FRAS1: variants seen among roughly 807,000 people sequenced by gnomAD.
The protein encoded by FRAS1 is Fraser extracellular matrix complex subunit 1.
A neutral mutation model predicts 435.2 loss-of-function variants in FRAS1; 290 were observed. The ratio of observed to expected loss-of-function variants is 0.67; its 90% confidence interval spans 0.61 to 0.73. The LOEUF is 0.73. FRAS1 is among the 30% of genes least tolerant of loss of function. The probability of loss-of-function intolerance (pLI) is 0.00; values close to 1 mark genes in which losing one functional copy is unlikely to be tolerated. For missense variants in FRAS1, 4,860 were observed against 5,001.5 expected (o/e 0.97, Z 0.85); for synonymous variants, 1,800 against 1,851.0 (o/e 0.97, Z 0.71).
At chr4:78,414,779 G>A (rs562457107) in intron 32 of FRAS1, among the ~76,000 whole-genome samples, 1 of 152,336 alleles carries the variant, frequency 6.6e-6, no homozygotes, top group Non-Finnish European at 1.5e-5. Context: ...GTTAAGTGCT[G>A]TGGAAGACAT....
At chr4:78,380,281 G>C (rs17003172) in intron 27 of FRAS1, among the ~76,000 whole-genome samples, 2,168 of 152,236 alleles carry the variant, frequency 0.014, 46 homozygotes, top group African/African-American at 0.049. Flanking sequence ...TGGCCCAGCA[G>C]AAACAAAACT....
intron 2 of FRAS1, among the ~76,000 whole-genome samples, chr4:78,200,703 T>G (rs934010946): frequency 6.6e-6 from 1 of 151,944 alleles, no homozygotes; most frequent in Non-Finnish European, 1.5e-5. Context: ...CAGTGTGGCA[T>G]CAGTTTAATG....
chr4:78,539,493 G>GAAA, intron 73 of FRAS1, 53 bp downstream of exon 73: 46 of 976,466 alleles, frequency 4.7e-5, no homozygotes, highest in South Asian at 1.4e-4. Flanking sequence ...TTTAAAGCTT[G>GAAA]AAAAAAAAAA....
chr4:78,367,016 G>A (rs541897234), intron 22 of FRAS1, among the ~76,000 whole-genome samples: 23 of 152,292 alleles, frequency 1.5e-4, no homozygotes, highest in African/African-American at 5.3e-4. Flanking sequence ...AAGTCTTCCA[G>A]CAATTCAAAA....
intron 2 of FRAS1, among the ~76,000 whole-genome samples, chr4:78,236,459 A>G (rs1006097581): frequency 3.3e-5 from 5 of 152,172 alleles, no homozygotes; most frequent in Non-Finnish European, 7.3e-5. Context: ...ACCAGAGAAT[A>G]ACATGGACAG....
At chr4:78,299,921 C>A (rs1728311519) in intron 14 of FRAS1, among the ~76,000 whole-genome samples, 1 of 152,240 alleles carries the variant, frequency 6.6e-6, no homozygotes, top group Non-Finnish European at 1.5e-5. Context: ...TGTGGCTTAC[C>A]TGTGGCCAGC....
At chr4:78,281,012 G>C (rs905952014) in intron 10 of FRAS1, among the ~76,000 whole-genome samples, 9 of 151,886 alleles carry the variant, frequency 5.9e-5, no homozygotes, top group Non-Finnish European at 1.3e-4. Flanking sequence ...ACTCATTTTT[G>C]GAGATAAACT....
intron 2 of FRAS1, among the ~76,000 whole-genome samples, chr4:78,117,348 C>G: frequency 6.6e-6 from 1 of 152,100 alleles, no homozygotes; most frequent in Non-Finnish European, 1.5e-5. Context: ...TTGTGGCGTT[C>G]TCTATATTTC....
intron 2 of FRAS1, among the ~76,000 whole-genome samples, chr4:78,100,427 G>A (rs1050349284): frequency 6.6e-6 from 1 of 152,330 alleles, no homozygotes; most frequent in African/African-American, 2.4e-5. Flanking sequence ...CTTTCTGAGG[G>A]CTGTGTCCTC....
At chr4:78,072,416 A>C (rs1355789362) in intron 2 of FRAS1, among the ~76,000 whole-genome samples, 1 of 152,196 alleles carries the variant, frequency 6.6e-6, no homozygotes, top group Non-Finnish European at 1.5e-5. Context: ...CGTGCTCAAG[A>C]GATTTTGTGG....
At chr4:78,333,698 C>A (rs572716140) in intron 19 of FRAS1, among the ~76,000 whole-genome samples, 2 of 152,280 alleles carry the variant, frequency 1.3e-5, no homozygotes, top group African/African-American at 4.8e-5. Flanking sequence ...AGACAATGAT[C>A]TGAATAAATA....
chr4:78,386,484 G>C (rs1335971503), intron 28 of FRAS1, among the ~76,000 whole-genome samples: 3 of 152,162 alleles, frequency 2.0e-5, no homozygotes, highest in African/African-American at 4.8e-5. Context: ...TGATGTATTA[G>C]ACATTCCTTT....
At chr4:78,363,743 T>C (rs1035944640) in intron 21 of FRAS1, 78 bp downstream of exon 21, 173 of 1,488,600 alleles carry the variant, frequency 1.2e-4, no homozygotes, top group Non-Finnish European at 1.5e-4. Context: ...GGATCAACCT[T>C]TCCTAAGAGA....
At chr4:78,100,723 C>G in intron 2 of FRAS1, among the ~76,000 whole-genome samples, 1 of 152,116 alleles carries the variant, frequency 6.6e-6, no homozygotes, top group East Asian at 1.9e-4. Context: ...GTGGCAGATC[C>G]TGGCTCTTGG....
At position 78,252,543 on chromosome 4, in the gene FRAS1, G is replaced by A. The variant is rs373637160; in HGVS notation, c.461G>A (p.Gly154Asp). 9.3e-6 allele frequency: 15 copies of A among 1,613,036 alleles called. No homozygotes were observed. Among genetic ancestry groups the A allele is most frequent in the African/African-American group, 1.3e-5 (1 of 74,884 alleles). Residue 154 changes from glycine to aspartate, a missense_variant, in exon 5 of 74, where the codon GGC (glycine) becomes GAC (aspartate). Coordinates refer to ENST00000512123, the MANE Select transcript of FRAS1 (RefSeq NM_025074.7). ...GGAAGCTGCTGCCCAGTTTGTGTGG[G>A]CCTTGGGAGTGAGTATGAGCTTGTA... ...PEGSCCPVCV[G>D]LGKPCSYEGH...
chr4:78,118,935 C>T lies in FRAS1; in HGVS notation c.108+52919C>T, dbSNP rs142550066. 5.4e-3 allele frequency among the ~76,000 whole-genome samples: 816 copies of T among 152,316 alleles called. 41 individuals carry two copies. The highest frequency in any genetic ancestry group is 0.046 in the Admixed American group (698 of 15,302). On this transcript the variant is annotated intron_variant, in intron 2 of 73. Coordinates refer to ENST00000512123, the MANE Select transcript of FRAS1 (RefSeq NM_025074.7). ...TCACGCTGGGAGCTGTAGACTGGAG[C>T]TGTTCCTATTCAGCCATCTTGGCTC...
rs565399601 is a variant in FRAS1 at position 78,536,303 on chromosome 4, C to A, written c.11093-692C>A. On this transcript the variant is annotated intron_variant, in intron 71 of 73. Coordinates refer to ENST00000512123, the MANE Select transcript of FRAS1 (RefSeq NM_025074.7). ...GTGTTTCAGGATACTGCTCAAATAT[C>A]ATGTCTCTTGAAACCTTCCATACCA... Among the ~76,000 whole-genome samples the A allele has an allele frequency of 2.5e-4, 37 of 147,854 alleles. 1 individual carries two copies. The highest frequency in any genetic ancestry group is 2.0e-3 in the South Asian group (9 of 4,484).
chr4:78,203,925 C>A (rs950202157), intron 2 of FRAS1, among the ~76,000 whole-genome samples: 3 of 152,152 alleles, frequency 2.0e-5, no homozygotes, highest in African/African-American at 7.2e-5. Flanking sequence ...TGTGCTCTAA[C>A]TTTTCACATC....
intron 2 of FRAS1, among the ~76,000 whole-genome samples, chr4:78,165,788 C>T (rs374099517): frequency 6.6e-6 from 1 of 152,214 alleles, no homozygotes; most frequent in Non-Finnish European, 1.5e-5. Context: ...AAGATGAGAG[C>T]ATTACATGTT....
Sources: allele counts gnomAD v4.1 joint callset (sites outside exome capture counted in the v4.1 genomes callset), GRCh38; gene constraint gnomAD v4.1.1; transcripts MANE v1.5; gene names NCBI Gene and HGNC (gene_info 2026-07-23, HGNC 2026-07-21).